The following CFTR variants were observed in gnomAD, a reference collection of about 807,000 sequenced individuals.
CFTR encodes the protein CF transmembrane conductance regulator, also known as cystic fibrosis transmembrane conductance regulator.
CFTR carries 181 observed loss-of-function variants against 171.6 expected under a neutral mutation model. That is an observed-to-expected ratio of 1.05 (90% CI 0.93 to 1.19). The LOEUF is 1.19. Among genes scored for constraint, CFTR ranks in the 50% most tolerant of loss-of-function variants. CFTR has a pLI of 0.00. For missense variants in CFTR, 1,968 were observed against 1,734.7 expected (o/e 1.13, Z -2.39); for synonymous variants, 583 against 608.0 (o/e 0.96, Z 0.60).
intron 15 of CFTR, among the ~76,000 whole-genome samples, chr7:117,598,737 G>T (rs906783714): frequency 6.6e-6 from 1 of 152,144 alleles, no homozygotes; most frequent in Admixed American, 6.5e-5. Context: ...TCTGGACTCC[G>T]ACTACTCAGG....
At chr7:117,526,262 A>G (rs1385359210) in intron 3 of CFTR, among the ~76,000 whole-genome samples, 4 of 149,352 alleles carry the variant, frequency 2.7e-5, no homozygotes, top group African/African-American at 7.4e-5. Flanking sequence ...CTGAATGACT[A>G]CTGGGTACAT....
In CFTR at chr7:117,553,939, C is replaced by A. The variant is rs78282451; in HGVS notation, c.1392+5116C>A. On this transcript the variant is annotated intron_variant, in intron 10 of 26. Coordinates refer to ENST00000003084, the MANE Select transcript of CFTR (RefSeq NM_000492.4). ...AGCTTTCAGATGGGACTGACTATAC[C>A]TGTCTGGTTTGAAGAACAGTAAGGA... is the stretch of plus-strand genomic sequence containing the variant. 9.9e-3 allele frequency among the ~76,000 whole-genome samples: 1,507 copies of A among 152,194 alleles called. 18 individuals are homozygous for A. Among genetic ancestry groups the A allele is most frequent in the South Asian group, 0.029 (141 of 4,824 alleles).
chr7:117,662,256 G>T (rs561594763), intron 24 of CFTR, among the ~76,000 whole-genome samples: 14 of 152,214 alleles, frequency 9.2e-5, no homozygotes, highest in African/African-American at 3.4e-4. Flanking sequence ...CATTCTAGGA[G>T]CTCAGTACAT....
intron 3 of CFTR, among the ~76,000 whole-genome samples, chr7:117,522,024 A>G (rs1489530842): frequency 6.6e-6 from 1 of 152,212 alleles, no homozygotes; most frequent in Non-Finnish European, 1.5e-5. Context: ...GAAATGAGAT[A>G]TAACTCCTAG....
chr7:117,480,969 T>C (rs1797993007), intron 1 of CFTR, among the ~76,000 whole-genome samples: 3 of 152,224 alleles, frequency 2.0e-5, no homozygotes, highest in South Asian at 2.1e-4. Flanking sequence ...TTCCTGTTAT[T>C]ATACTGGTGT....
intron 12 of CFTR, 118 bp downstream of exon 12, chr7:117,587,951 G>A: frequency 1.4e-6 from 1 of 707,460 alleles, no homozygotes; most frequent in Non-Finnish European, 2.6e-6. Context: ...AAATCCTGGG[G>A]TTTTATGGCT....
intron 26 of CFTR, 58 bp from the exon 27 acceptor site, chr7:117,666,850 C>T: frequency 6.8e-7 from 1 of 1,465,808 alleles, no homozygotes; most frequent in Non-Finnish European, 9.6e-7. Context: ...CAGTTTCTGT[C>T]CCTGCTCTGG....
At chr7:117,546,376 C>A (rs1799147706) in intron 9 of CFTR, among the ~76,000 whole-genome samples, 3 of 152,088 alleles carry the variant, frequency 2.0e-5, no homozygotes, top group Admixed American at 1.3e-4. Context: ...CTCAAACAAT[C>A]CTCCTGCCTC....
chr7:117,622,013 T>G (rs1701486097), intron 21 of CFTR, among the ~76,000 whole-genome samples: 1 of 152,218 alleles, frequency 6.6e-6, no homozygotes, highest in Non-Finnish European at 1.5e-5. Context: ...ATTTTGTTTC[T>G]GTTTTGTGAA....
intron 11 of CFTR, among the ~76,000 whole-genome samples, chr7:117,579,683 A>G (rs1480293446): frequency 1.3e-5 from 2 of 151,240 alleles, no homozygotes; most frequent in East Asian, 3.9e-4. Context: ...AAAAAAAAAA[A>G]AACCAAAGTG....
intron 10 of CFTR, among the ~76,000 whole-genome samples, chr7:117,557,949 A>G (rs562290281): frequency 6.6e-6 from 1 of 152,324 alleles, no homozygotes; most frequent in South Asian, 2.1e-4. Flanking sequence ...TTTATAAAAA[A>G]TAATTGTGGT....
chr7:117,516,628 A>G (rs1798600062), intron 3 of CFTR, among the ~76,000 whole-genome samples: 1 of 152,170 alleles, frequency 6.6e-6, no homozygotes, highest in African/African-American at 2.4e-5. Context: ...TTTGGAGTCT[A>G]ACTGTCTAGT....
intron 1 of CFTR, among the ~76,000 whole-genome samples, chr7:117,500,472 T>G (rs1327650729): frequency 6.6e-6 from 1 of 151,830 alleles, no homozygotes; most frequent in Non-Finnish European, 1.5e-5. Flanking sequence ...GTATTTTTAG[T>G]AGAGATGGGG....
At chr7:117,612,534 A>T (rs1370233353) in intron 20 of CFTR, among the ~76,000 whole-genome samples, 1 of 152,120 alleles carries the variant, frequency 6.6e-6, no homozygotes, top group Non-Finnish European at 1.5e-5. Flanking sequence ...TAAGAATTTG[A>T]ATTTCTGAGT....
chr7:117,610,277 C>G (rs1318892571), intron 18 of CFTR, among the ~76,000 whole-genome samples: 2 of 147,990 alleles, frequency 1.4e-5, no homozygotes, highest in Non-Finnish European at 3.0e-5. Context: ...GGGAGATATA[C>G]CTAATGCTAG....
intron 1 of CFTR, among the ~76,000 whole-genome samples, chr7:117,503,528 A>G (rs573819603): frequency 6.6e-6 from 1 of 152,274 alleles, no homozygotes; most frequent in Non-Finnish European, 1.5e-5. Flanking sequence ...AGTTAGAAAC[A>G]ATATTTTTGA....
intron 11 of CFTR, among the ~76,000 whole-genome samples, chr7:117,565,040 C>T (rs1281398893): frequency 6.6e-6 from 1 of 152,156 alleles, no homozygotes; most frequent in African/African-American, 2.4e-5. Flanking sequence ...TTTTACATAT[C>T]CTACTTTAAA....
At chr7:117,520,266 T>G (rs1227078363) in intron 3 of CFTR, among the ~76,000 whole-genome samples, 1 of 120,188 alleles carries the variant, frequency 8.3e-6, no homozygotes, top group Non-Finnish European at 1.8e-5. Context: ...TTCTAGTGAG[T>G]TTTTTTTTTT....
intron 21 of CFTR, among the ~76,000 whole-genome samples, chr7:117,615,753 TG>T (rs758944939): frequency 7.9e-5 from 12 of 151,928 alleles, no homozygotes; most frequent in Non-Finnish European, 1.6e-4. Context: ...TTAAAGGAAA[TG>T]ATGCACATTT....
Sources: allele counts gnomAD v4.1 joint callset (sites outside exome capture counted in the v4.1 genomes callset), GRCh38; gene constraint gnomAD v4.1.1; transcripts MANE v1.5; gene names NCBI Gene and HGNC (gene_info 2026-07-23, HGNC 2026-07-21).